CDIN1: variants seen among roughly 807,000 people sequenced by gnomAD.
The protein encoded by CDIN1 is CDAN1 interacting nuclease 1, also known as CDAN1-interacting nuclease 1.
Under a neutral mutation model 45.3 loss-of-function variants are expected in CDIN1, and 33 were observed. The ratio of observed to expected loss-of-function variants is 0.73; its 90% CI spans 0.55 to 0.97. CDIN1 has a LOEUF of 0.97. Among genes scored for constraint, CDIN1 ranks in the 50% least tolerant of loss-of-function variants. The pLI, the probability that CDIN1 is intolerant of heterozygous loss-of-function variation, is 0.00. For synonymous variants in CDIN1, 118 were observed against 124.4 expected (o/e 0.95, Z 0.34); for missense variants, 303 against 339.4 (o/e 0.89, Z 0.84).
At chr15:36,584,010 C>T (rs1291904423) in intron 1 of CDIN1, among the ~76,000 whole-genome samples, 2 of 151,832 alleles carry the variant, frequency 1.3e-5, no homozygotes, top group Non-Finnish European at 2.9e-5. Context: ...AGCAACACTC[C>T]GTCTCAAAAA....
intron 10 of CDIN1, among the ~76,000 whole-genome samples, chr15:36,802,075 A>G (rs2055068338): frequency 6.6e-6 from 1 of 152,166 alleles, no homozygotes; most frequent in African/African-American, 2.4e-5. Context: ...AGAATGCTAT[A>G]TAAACACAAG....
At chr15:36,646,228 A>G (rs926787796) in intron 3 of CDIN1, among the ~76,000 whole-genome samples, 22 of 152,342 alleles carry the variant, frequency 1.4e-4, no homozygotes, top group Admixed American at 6.5e-4. Flanking sequence ...AATGAAATAA[A>G]TATGTGGATA....
intron 10 of CDIN1, among the ~76,000 whole-genome samples, chr15:36,773,487 C>T (rs902689530): frequency 2.0e-5 from 3 of 152,070 alleles, no homozygotes; most frequent in Non-Finnish European, 2.9e-5. Flanking sequence ...CTAGTGGCTA[C>T]TGTATTGGAC....
At chr15:36,752,925 T>C (rs2053514207) in intron 10 of CDIN1, among the ~76,000 whole-genome samples, 1 of 152,202 alleles carries the variant, frequency 6.6e-6, no homozygotes, top group African/African-American at 2.4e-5. Flanking sequence ...TTGATGGGCA[T>C]TGTGGTACAT....
chr15:36,773,037 C>G (rs924288704), intron 10 of CDIN1, among the ~76,000 whole-genome samples: 10 of 151,774 alleles, frequency 6.6e-5, no homozygotes, highest in African/African-American at 2.4e-4. Flanking sequence ...CTTTTAGAAT[C>G]AAGAAGCCCC....
At chr15:36,777,862 C>G (rs147743423) in intron 10 of CDIN1, among the ~76,000 whole-genome samples, 1 of 152,184 alleles carries the variant, frequency 6.6e-6, no homozygotes, top group Admixed American at 6.5e-5. Context: ...CTGCCCGCCT[C>G]GGCCTCCCAA....
intron 7 of CDIN1, among the ~76,000 whole-genome samples, chr15:36,693,568 A>C (rs547722537): frequency 1.2e-4 from 18 of 152,328 alleles, no homozygotes; most frequent in African/African-American, 4.1e-4. Context: ...TTTAAAGTTA[A>C]GGTTTTAAAA....
chr15:36,605,457 G>A (rs2038317487), intron 1 of CDIN1, among the ~76,000 whole-genome samples: 1 of 152,090 alleles, frequency 6.6e-6, no homozygotes, highest in South Asian at 2.1e-4. Flanking sequence ...AAAATTGCAT[G>A]TTGACTCCTT....
intron 8 of CDIN1, chr15:36,704,446 T>C (rs540382600): frequency 1.1e-4 from 17 of 152,210 alleles, no homozygotes; most frequent in Non-Finnish European, 2.2e-4. Flanking sequence ...ACATATAATA[T>C]TTATTACTGA....
At chr15:36,590,001 C>G (rs1478630564) in intron 1 of CDIN1, among the ~76,000 whole-genome samples, 1 of 152,208 alleles carries the variant, frequency 6.6e-6, no homozygotes, top group African/African-American at 2.4e-5. Flanking sequence ...CTCTTCCCGT[C>G]CCTACCCTTT....
At chr15:36,732,216 G>A (rs150465623) in intron 10 of CDIN1, among the ~76,000 whole-genome samples, 136 of 152,196 alleles carry the variant, frequency 8.9e-4, no homozygotes, top group African/African-American at 3.1e-3. Context: ...TTCTTCAACA[G>A]TGACGTTCCA....
At chr15:36,656,602 C>G (rs1239073349) in intron 4 of CDIN1, among the ~76,000 whole-genome samples, 1 of 151,988 alleles carries the variant, frequency 6.6e-6, no homozygotes, top group Non-Finnish European at 1.5e-5. Flanking sequence ...AAGATGGACA[C>G]ATGATTAATA....
intron 1 of CDIN1, among the ~76,000 whole-genome samples, chr15:36,589,007 A>C (rs1017577444): frequency 1.3e-5 from 2 of 152,226 alleles, no homozygotes; most frequent in African/African-American, 4.8e-5. Context: ...TTCAGGCATC[A>C]AACTTTAGTT....
At chr15:36,594,304 G>A (rs1292885773) in intron 1 of CDIN1, among the ~76,000 whole-genome samples, 1 of 151,976 alleles carries the variant, frequency 6.6e-6, no homozygotes, top group African/African-American at 2.4e-5. Context: ...GTGACACTTT[G>A]AAAAAAAGTT....
At chr15:36,713,857 A>G (rs1385199411) in intron 10 of CDIN1, among the ~76,000 whole-genome samples, 3 of 152,154 alleles carry the variant, frequency 2.0e-5, no homozygotes, top group Non-Finnish European at 4.4e-5. Flanking sequence ...GCGTTTTGCT[A>G]ATAATTTCGT....
intron 1 of CDIN1, chr15:36,618,723 A>G: frequency 1.3e-6 from 1 of 774,770 alleles, no homozygotes; most frequent in Non-Finnish European, 2.4e-6. Context: ...CCAGTTCTCC[A>G]TGTGCAGCTG....
intron 1 of CDIN1, among the ~76,000 whole-genome samples, chr15:36,594,025 T>C (rs1321161999): frequency 1.3e-5 from 2 of 152,240 alleles, no homozygotes; most frequent in Non-Finnish European, 2.9e-5. Context: ...TATTCTAGAA[T>C]GGTGCCTTCA....
At chr15:36,759,866 C>T (rs2053711872) in intron 10 of CDIN1, among the ~76,000 whole-genome samples, 1 of 152,092 alleles carries the variant, frequency 6.6e-6, no homozygotes, top group Admixed American at 6.6e-5. Context: ...CTTGTGAGAA[C>T]TCTATCAGAA....
chr15:36,750,542 GTC>G (rs2053432639), intron 10 of CDIN1, among the ~76,000 whole-genome samples: 1 of 152,148 alleles, frequency 6.6e-6, no homozygotes, highest in Admixed American at 6.5e-5. Context: ...GGTGCTTACA[GTC>G]TCTGATGTGT....
Sources: allele counts gnomAD v4.1 joint callset (sites outside exome capture counted in the v4.1 genomes callset), GRCh38; gene constraint gnomAD v4.1.1; transcripts MANE v1.5; gene names NCBI Gene and HGNC (gene_info 2026-07-23, HGNC 2026-07-21).